PHACTR1: variants seen among roughly 807,000 people sequenced by gnomAD.
PHACTR1 encodes the protein phosphatase and actin regulator 1.
In PHACTR1, 16 loss-of-function variants were observed where a neutral mutation model predicts 69.2. That is an observed-to-expected ratio of 0.23 (90% CI 0.16 to 0.35). The LOEUF (loss-of-function observed/expected upper bound fraction) is 0.35. Ranked by LOEUF, PHACTR1 falls within the 10% of genes least tolerant of loss-of-function variation. The probability of loss-of-function intolerance (pLI) is 1.00; values close to 1 mark genes in which losing one functional copy is unlikely to be tolerated. For synonymous variants in PHACTR1, 312 were observed against 284.5 expected, an observed-to-expected ratio of 1.10 and a Z score of -0.97; for missense variants, 510 against 734.7, an observed-to-expected ratio of 0.69 and a Z score of 3.54.
intron 4 of PHACTR1, among the ~76,000 whole-genome samples, chr6:13,028,648 T>G (rs1326731232): frequency 1.3e-5 from 2 of 152,186 alleles, no homozygotes; most frequent in Non-Finnish European, 2.9e-5. Flanking sequence ...AGGTGCGTCC[T>G]GTACATTGTA....
intron 3 of PHACTR1, among the ~76,000 whole-genome samples, chr6:12,743,964 C>A (rs1765428649): frequency 6.6e-6 from 1 of 152,154 alleles, no homozygotes; most frequent in Non-Finnish European, 1.5e-5. Context: ...GTCTCTCAGA[C>A]CACAGTGCAA....
intron 6 of PHACTR1, among the ~76,000 whole-genome samples, chr6:13,165,770 T>G (rs2113592762): frequency 6.7e-6 from 1 of 148,558 alleles, no homozygotes; most frequent in Admixed American, 6.8e-5. Context: ...TTCTGAAACC[T>G]GGTCCTACTA....
intron 4 of PHACTR1, among the ~76,000 whole-genome samples, chr6:13,041,451 T>C (rs1018714321): frequency 6.6e-6 from 1 of 151,628 alleles, no homozygotes; most frequent in Non-Finnish European, 1.5e-5. Context: ...CTATTTGGAT[T>C]TCACCTCGTC....
At chr6:13,053,137 T>C (rs1041007574) in intron 4 of PHACTR1, among the ~76,000 whole-genome samples, 1 of 152,156 alleles carries the variant, frequency 6.6e-6, no homozygotes, top group South Asian at 2.1e-4. Context: ...CCAGCCTAAA[T>C]AGAAGTTGAG....
intron 5 of PHACTR1, among the ~76,000 whole-genome samples, chr6:13,121,729 G>A (rs1818764747): frequency 6.6e-6 from 1 of 152,194 alleles, no homozygotes; most frequent in Non-Finnish European, 1.5e-5. Context: ...GGCAAGGCTG[G>A]CTGCAGGAAG....
chr6:12,848,668 C>T (rs902079366), intron 4 of PHACTR1, among the ~76,000 whole-genome samples: 22 of 152,092 alleles, frequency 1.4e-4, no homozygotes, highest in Non-Finnish European at 1.9e-4. Flanking sequence ...TTACTGATCA[C>T]TTTGAAAATA....
intron 4 of PHACTR1, among the ~76,000 whole-genome samples, chr6:12,967,117 C>T (rs1291152083): frequency 6.6e-6 from 1 of 152,152 alleles, no homozygotes. Context: ...AAGGGCTGTT[C>T]CCACAGCCCT....
chr6:12,861,522 C>G (rs1305503871), intron 4 of PHACTR1, among the ~76,000 whole-genome samples: 1 of 152,176 alleles, frequency 6.6e-6, no homozygotes, highest in Non-Finnish European at 1.5e-5. Flanking sequence ...ACTCCTTTAC[C>G]AATGACTTCC....
At chr6:13,072,348 G>A (rs1212449321) in intron 5 of PHACTR1, among the ~76,000 whole-genome samples, 1 of 152,164 alleles carries the variant, frequency 6.6e-6, no homozygotes, top group Non-Finnish European at 1.5e-5. Flanking sequence ...ATAATTTGGT[G>A]TGTAGATTCT....
chr6:13,091,501 G>A (rs1296239907), intron 5 of PHACTR1, among the ~76,000 whole-genome samples: 1 of 152,148 alleles, frequency 6.6e-6, no homozygotes, highest in Non-Finnish European at 1.5e-5. Flanking sequence ...TGGCACCAGG[G>A]ACCAGTTGTG....
intron 4 of PHACTR1, among the ~76,000 whole-genome samples, chr6:12,935,146 G>A (rs1789297379): frequency 6.6e-6 from 1 of 152,204 alleles, no homozygotes; most frequent in Non-Finnish European, 1.5e-5. Context: ...TATATTCTAA[G>A]AGCCTATAAT....
chr6:12,925,976 C>T (rs1788231573), intron 4 of PHACTR1, among the ~76,000 whole-genome samples: 1 of 152,214 alleles, frequency 6.6e-6, no homozygotes, highest in South Asian at 2.1e-4. Flanking sequence ...CCTTTCTTCA[C>T]TAATATCTCT....
intron 4 of PHACTR1, among the ~76,000 whole-genome samples, chr6:13,024,168 C>T (rs1208248005): frequency 1.3e-5 from 2 of 151,926 alleles, no homozygotes; most frequent in African/African-American, 2.4e-5. Flanking sequence ...GGAGATGTTG[C>T]TGATTCTGAA....
rs201239859 is a variant in PHACTR1, at chr6:12,878,277, A to G, written c.250+128487A>G. On this transcript the variant is annotated intron_variant, in intron 4 of 14. Transcript: ENST00000332995. ...AATTTGATGGTCCCCACAAAATCAT[A>G]GCTATTTTTAATATCTGTGGATTGA... Among the ~76,000 whole-genome samples the G allele has an allele frequency of 3.3e-5, 5 of 152,384 alleles. No individual in the cohort carries two copies. In the East Asian group the frequency reaches 9.6e-4, roughly 29 times the overall value.
At chr6:13,141,197 C>T (rs574863115) in intron 5 of PHACTR1, among the ~76,000 whole-genome samples, 1 of 152,296 alleles carries the variant, frequency 6.6e-6, no homozygotes, top group East Asian at 1.9e-4. Flanking sequence ...TTATCCCCTC[C>T]CTAACTCCAG....
chr6:13,091,716 A>C (rs950028897), intron 5 of PHACTR1, among the ~76,000 whole-genome samples: 3 of 152,146 alleles, frequency 2.0e-5, no homozygotes, highest in African/African-American at 7.2e-5. Flanking sequence ...TGGTAATGGG[A>C]GACAGTGACA....
In PHACTR1 at chr6:12,860,004, C is replaced by T. The variant is rs114302272; in HGVS notation, c.250+110214C>T. 5.2e-3 allele frequency among the ~76,000 whole-genome samples: 795 copies of T among 151,434 alleles called. 3 individuals carry two copies. Among genetic ancestry groups the T allele is most frequent in the African/African-American group, 0.018 (731 of 41,252 alleles). ...AGGACATCTTCATCATCATCATCAT[C>T]ATTATTATTATTATTATTATTAAGT... On this transcript the variant is annotated intron_variant, in intron 4 of 14. Coordinates refer to ENST00000332995, the MANE Select transcript of PHACTR1 (RefSeq NM_030948.6).
chr6:13,287,297 C>A lies in PHACTR1; in HGVS notation c.*219C>A. 5.3e-6 allele frequency: 3 copies of A among 570,334 alleles called. No homozygotes were observed. The highest frequency in any genetic ancestry group is 9.1e-6 in the Non-Finnish European group (3 of 330,744). The allele number at this position is 570,334 out of a possible 1,614,324, so 35.3% of individuals were successfully genotyped here. ...GAGCTGCTGGTCCCACTTCTGACAC[C>A]AAAATGCATCCCAACCCCCGGCAGT... On this transcript the variant is annotated 3_prime_UTR_variant, in exon 15 of 15. Transcript: ENST00000332995.
intron 4 of PHACTR1, among the ~76,000 whole-genome samples, chr6:13,049,897 C>T (rs552349867): frequency 1.6e-4 from 24 of 152,270 alleles, no homozygotes; most frequent in African/African-American, 5.3e-4. Context: ...GTATCCAATA[C>T]AGGTTTGAAG....
Sources: allele counts gnomAD v4.1 joint callset (sites outside exome capture counted in the v4.1 genomes callset), GRCh38; gene constraint gnomAD v4.1.1; transcripts MANE v1.5; gene names NCBI Gene and HGNC (gene_info 2026-07-23, HGNC 2026-07-21).